The following CFAP263 variants were observed in gnomAD, a reference collection of about 807,000 sequenced individuals.
The protein encoded by CFAP263 is cilia- and flagella-associated protein 263.
At chr16:58,277,256 G>A in the CFAP263 span, among the ~76,000 whole-genome samples, 525 of 152,012 alleles carry the variant, frequency 3.5e-3, 9 homozygotes, top group South Asian at 0.019. Flanking sequence ...AGCCTCCCAA[G>A]TAGCTGGGTT....
the CFAP263 span, chr16:58,280,221 G>A: frequency 1.9e-6 from 3 of 1,604,912 alleles, no homozygotes; most frequent in Non-Finnish European, 2.6e-6. Context: ...GGTAGCTCCT[G>A]GACTAGATAC....
At chr16:58,267,498 T>C in the CFAP263 span, 1 of 1,613,406 alleles carries the variant, frequency 6.2e-7, no homozygotes, top group Non-Finnish European at 8.5e-7. Context: ...CACAAGGCAA[T>C]GGAAATATAC....
At chr16:58,268,031 AAGAG>A in the CFAP263 span, among the ~76,000 whole-genome samples, 4 of 113,662 alleles carry the variant, frequency 3.5e-5, no homozygotes, top group East Asian at 2.4e-4. Flanking sequence ...AGAGAGAAGA[AAGAG>A]AGAGAGGAAG....
chr16:58,256,229 A>G, the CFAP263 span, among the ~76,000 whole-genome samples: 3 of 152,042 alleles, frequency 2.0e-5, no homozygotes, highest in East Asian at 1.9e-4. Flanking sequence ...CTTTCTAAAC[A>G]TGCATTGTTG....
the CFAP263 span, among the ~76,000 whole-genome samples, chr16:58,267,932 A>G: frequency 6.6e-6 from 1 of 152,056 alleles, no homozygotes; most frequent in South Asian, 2.1e-4. Flanking sequence ...GCCCGTAGTA[A>G]TGTACCTGAT....
At chr16:58,280,486 A>G in the CFAP263 span, 1 of 1,614,176 alleles carries the variant, frequency 6.2e-7, no homozygotes, top group Admixed American at 1.7e-5. Flanking sequence ...GTATGATCCA[A>G]CATGGCCCAG....
chr16:58,280,491 G>A, the CFAP263 span: 2 of 1,614,128 alleles, frequency 1.2e-6, no homozygotes, highest in East Asian at 4.5e-5. Flanking sequence ...ATCCAACATG[G>A]CCCAGTTCAG....
chr16:58,263,622 T>C, the CFAP263 span, among the ~76,000 whole-genome samples: 1 of 152,202 alleles, frequency 6.6e-6, no homozygotes, highest in Non-Finnish European at 1.5e-5. Flanking sequence ...TATGAATGTC[T>C]TTAGACCAAG....
the CFAP263 span, chr16:58,250,055 A>C: frequency 6.2e-7 from 1 of 1,600,766 alleles, no homozygotes; most frequent in Non-Finnish European, 8.5e-7. Flanking sequence ...TCCGACTCCC[A>C]TGAAGGGTCG....
the CFAP263 span, among the ~76,000 whole-genome samples, chr16:58,277,321 G>A: frequency 2.0e-5 from 3 of 152,018 alleles, no homozygotes; most frequent in South Asian, 6.2e-4. Context: ...TAGAGATGGG[G>A]TTTCACCATG....
chr16:58,272,233 G>A, the CFAP263 span, among the ~76,000 whole-genome samples: 2 of 151,980 alleles, frequency 1.3e-5, no homozygotes, highest in Non-Finnish European at 2.9e-5. Context: ...AGCCAGGATG[G>A]TCTCGATCTC....
the CFAP263 span, among the ~76,000 whole-genome samples, chr16:58,253,389 T>TAA: frequency 7.0e-6 from 1 of 142,236 alleles, no homozygotes; most frequent in African/African-American, 2.6e-5. Context: ...TCAAAAAAAT[T>TAA]AAAAAAAAAA....
the CFAP263 span, among the ~76,000 whole-genome samples, chr16:58,266,393 ATATATATATATATTTTTTTTT>A: frequency 3.3e-4 from 11 of 33,710 alleles, no homozygotes; most frequent in South Asian, 2.1e-3. Flanking sequence ...ATATATATAT[ATATATATATATATTTTTTTTT>A]TTTTTTTTTT....
At chr16:58,266,389 ATATATATATATATATATTTTTTTTT>A in the CFAP263 span, among the ~76,000 whole-genome samples, 3 of 30,880 alleles carry the variant, frequency 9.7e-5, no homozygotes, top group Non-Finnish European at 1.9e-4. Flanking sequence ...ATATATATAT[ATATATATATATATATATTTTTTTTT>A]TTTTTTTTTT....
At chr16:58,262,109 G>A in the CFAP263 span, among the ~76,000 whole-genome samples, 3 of 149,372 alleles carry the variant, frequency 2.0e-5, no homozygotes, top group Admixed American at 6.7e-5. Flanking sequence ...CATGCCCCCC[G>A]AACAACACAT....
the CFAP263 span, chr16:58,278,735 A>G: frequency 1.9e-5 from 21 of 1,124,166 alleles, no homozygotes; most frequent in Non-Finnish European, 2.6e-5. Context: ...ATGTTTGGAT[A>G]TGTAATTTCT....
chr16:58,263,154 C>T, the CFAP263 span, among the ~76,000 whole-genome samples: 1 of 152,210 alleles, frequency 6.6e-6, no homozygotes, highest in Admixed American at 6.5e-5. Flanking sequence ...TATCTGGTCA[C>T]CCTGCTAGAG....
At chr16:58,280,207 G>T in the CFAP263 span, 1 of 1,588,886 alleles carries the variant, frequency 6.3e-7, no homozygotes, top group Non-Finnish European at 8.6e-7. Flanking sequence ...CTTCAGTTTG[G>T]TGGGGTAGCT....
chr16:58,250,241 T>A, the CFAP263 span: 1 of 580,788 alleles, frequency 1.7e-6, no homozygotes, highest in African/African-American at 2.0e-5. Flanking sequence ...AGACTTTTCC[T>A]CTTTACTCCT....
Sources: gnomAD v4.1 joint callset for allele counts (sites outside exome capture counted in the v4.1 genomes callset) on GRCh38, gnomAD v4.1.1 for gene constraint, MANE v1.5 for transcripts, NCBI Gene and HGNC (gene_info 2026-07-23, HGNC 2026-07-21) for gene names.